MTIF2: variants seen among roughly 807,000 people sequenced by gnomAD.
The protein encoded by MTIF2 is translation initiation factor IF-2, mitochondrial.
Under a neutral mutation model 83.5 loss-of-function variants are expected in MTIF2, and 71 were observed. That is an observed-to-expected ratio of 0.85 (90% confidence interval 0.70 to 1.04). The LOEUF (loss-of-function observed/expected upper bound fraction) is 1.04. Among genes scored for constraint, MTIF2 ranks in the 50% least tolerant of loss-of-function variants. The pLI is 0.00. For synonymous variants in MTIF2, 319 were observed against 287.1 expected, an observed-to-expected ratio of 1.11 and a Z score of -1.12; for missense variants, 957 against 846.5, an observed-to-expected ratio of 1.13 and a Z score of -1.62.
chr2:55,239,142 G>GA (rs371133541), intron 14 of MTIF2, among the ~76,000 whole-genome samples: 7 of 152,126 alleles, frequency 4.6e-5, no homozygotes, highest in Admixed American at 1.3e-4. Context: ...CTGGACTGGG[G>GA]AAAAAAAGTA....
chr2:55,252,550 T>A lies in MTIF2; in HGVS notation c.768A>T (p.Val256=), dbSNP rs771982382. ...ARGAQVTDIV[V]LVVAADDGVM... ...CTCCATCATCTGCAGCTACAACCAA[T>A]ACGACAATGTCAGTGACCTGAGCAC... The change falls in exon 8 of 16, where the codon GTA becomes GTT. Residue 256 remains valine (V), a synonymous_variant. Coordinates refer to ENST00000263629, the MANE Select transcript of MTIF2 (RefSeq NM_002453.3). The A allele has an allele frequency of 3.1e-6, 5 of 1,614,152 alleles. No homozygotes were observed. In the East Asian group the frequency reaches 8.9e-5, roughly 29 times the overall value.
chr2:55,255,549 A>G (rs1189739120), intron 5 of MTIF2, among the ~76,000 whole-genome samples: 1 of 130,156 alleles, frequency 7.7e-6, no homozygotes, highest in Non-Finnish European at 1.5e-5. Flanking sequence ...CAATTGCACT[A>G]TAACTCATGC....
chr2:55,263,732 C>G lies in MTIF2; in HGVS notation c.127G>C (p.Val43Leu). 1 of 1,614,140 alleles carries G rather than the reference C, an allele frequency of 6.2e-7. No individual in the cohort carries two copies. Among genetic ancestry groups the G allele is most frequent in the East Asian group, 2.2e-5 (1 of 44,882 alleles). The stretch of plus-strand genomic sequence containing the variant: ...CAGGCACACAGTTGAGCTGTCCACA[C>G]AGGGTAAGCAGATGAAAACCCATGC... The part of the protein sequence containing the change: ...WRHGFSSAYP[V>L]WTAQLCAWPW... Residue 43 changes from valine (V) to leucine (L), a missense_variant, in exon 4 of 16, where the codon GTG (valine) becomes CTG (leucine). By Grantham distance (32) the Val-to-Leu change is conservative (BLOSUM62 1). Coordinates refer to ENST00000263629, the MANE Select transcript of MTIF2 (RefSeq NM_002453.3).
At chr2:55,266,886 T>C (rs1382539516) in intron 3 of MTIF2, among the ~76,000 whole-genome samples, 1 of 151,206 alleles carries the variant, frequency 6.6e-6, no homozygotes, top group Non-Finnish European at 1.5e-5. Flanking sequence ...TCTCCAGCCT[T>C]AGCCTCCCAA....
In MTIF2 at chr2:55,268,560, A is replaced by T. The variant is rs1028460009; in HGVS notation, c.-75+18T>A. 6 of 152,114 alleles carry T rather than the reference A, an allele frequency of 3.9e-5. No homozygotes were observed. The highest frequency in any genetic ancestry group is 1.4e-4 in the African/African-American group (6 of 41,418). 9.4% of individuals were successfully genotyped at this position (152,114 alleles called of 1,614,324 possible). On this transcript the variant is annotated intron_variant, in intron 2 of 15. Transcript: ENST00000263629. ...CAATAACCCAAATGTCAAAACTGGA[A>T]GGAAACTTGTCACTTACTCCAAGCT...
intron 7 of MTIF2, 108 bp downstream of exon 7, chr2:55,253,933 C>T: frequency 8.3e-7 from 1 of 1,204,250 alleles, no homozygotes; most frequent in South Asian, 1.6e-5. Context: ...TGACTGCAAG[C>T]TTTAGCCTTC....
chr2:55,246,200 T>C (rs1046877852), intron 10 of MTIF2, 137 bp downstream of exon 10: 1 of 1,059,544 alleles, frequency 9.4e-7, no homozygotes, highest in African/African-American at 1.6e-5. Context: ...AACAATAAAA[T>C]ACTTTTTAAA....
At chr2:55,257,611 T>G (rs1317327994) in intron 5 of MTIF2, among the ~76,000 whole-genome samples, 1 of 152,236 alleles carries the variant, frequency 6.6e-6, no homozygotes, top group Non-Finnish European at 1.5e-5. Context: ...ATTTACAGTA[T>G]TCTCCAATTT....
At chr2:55,264,360 T>C (rs1678269768) in intron 3 of MTIF2, among the ~76,000 whole-genome samples, 1 of 152,146 alleles carries the variant, frequency 6.6e-6, no homozygotes, top group Non-Finnish European at 1.5e-5. Context: ...GCCTCCCTAA[T>C]AGCTGGGACT....
chr2:55,239,988 A>G, intron 14 of MTIF2, 23 bp downstream of exon 14: 1 of 1,580,154 alleles, frequency 6.3e-7, no homozygotes, highest in Non-Finnish European at 8.6e-7. Flanking sequence ...AATTTTTAAA[A>G]GTAACATTCA....
In MTIF2 at chr2:55,243,672, T is replaced by C. The variant is rs1168790866; in HGVS notation, c.1312-4A>G. On this transcript the variant is annotated splice_polypyrimidine_tract_variant and splice_region_variant and intron_variant, in intron 11 of 15. Transcript: ENST00000263629. Reference sequence around the variant, plus strand: ...CAACAACTTCACGTGCCCTTGGCTTTATAGGGGAAAAACGTATTATTTAAT... The same window carrying C: ...CAACAACTTCACGTGCCCTTGGCTTCATAGGGGAAAAACGTATTATTTAAT... 6.2e-7 allele frequency: 1 copy of C among 1,610,604 alleles called. No individual in the cohort carries two copies.
At chr2:55,238,918 C>A (rs1272635363) in intron 14 of MTIF2, among the ~76,000 whole-genome samples, 3 of 152,144 alleles carry the variant, frequency 2.0e-5, no homozygotes, top group Non-Finnish European at 4.4e-5. Context: ...GTCAGAAAAA[C>A]CTAAAATAAT....
At chr2:55,244,324 G>A in intron 10 of MTIF2, 91 bp from the exon 11 acceptor site, 2 of 940,858 alleles carry the variant, frequency 2.1e-6, no homozygotes, top group Non-Finnish European at 3.2e-6. Flanking sequence ...ATATAAACAT[G>A]TGTATACACA....
At chr2:55,242,566 A>C (rs554737582) in intron 13 of MTIF2, among the ~76,000 whole-genome samples, 1 of 152,348 alleles carries the variant, frequency 6.6e-6, no homozygotes, top group Admixed American at 6.5e-5. Context: ...GAAAGAACTG[A>C]ATAGGGTGAT....
intron 3 of MTIF2, chr2:55,266,519 C>G (rs550020567): frequency 1.8e-5 from 2 of 111,946 alleles, no homozygotes; most frequent in East Asian, 5.0e-4. Flanking sequence ...GAGCGAGACT[C>G]TGTCTCAAAA....
rs558517390 is a variant in MTIF2 at position 55,249,689 on chromosome 2, T to C, written c.842-155A>G. On this transcript the variant is annotated intron_variant, in intron 8 of 15. Coordinates refer to ENST00000263629, the MANE Select transcript of MTIF2 (RefSeq NM_002453.3). ...CAAAATGACCCACTTTAGAGTCACATCACCCTACTCTGCGCTCTACATATA... is the reference window on the plus strand; with the variant it reads ...CAAAATGACCCACTTTAGAGTCACACCACCCTACTCTGCGCTCTACATATA... 2.6e-5 allele frequency among the ~76,000 whole-genome samples: 4 copies of C among 152,278 alleles called. No homozygotes were observed. The South Asian group carries it at 8.3e-4, about 32-fold the overall frequency.
At chr2:55,252,338 A>AAACAATTT in intron 8 of MTIF2, 139 bp downstream of exon 8, 1 of 739,454 alleles carries the variant, frequency 1.4e-6, no homozygotes, top group East Asian at 2.7e-5. Flanking sequence ...GTCTGTGGGA[A>AAACAATTT]AACAATTTAT....
At chr2:55,248,953 C>T (rs1015381863) in intron 9 of MTIF2, among the ~76,000 whole-genome samples, 7 of 152,184 alleles carry the variant, frequency 4.6e-5, no homozygotes, top group African/African-American at 1.4e-4. Context: ...CTAAGCAACA[C>T]AGTGAGACCC....
intron 12 of MTIF2, 131 bp downstream of exon 12, chr2:55,243,285 A>G (rs1393079845): frequency 9.0e-7 from 1 of 1,107,408 alleles, no homozygotes; most frequent in African/African-American, 1.6e-5. Flanking sequence ...TCAGCAAGAA[A>G]TATGTTGACT....
Sources: allele counts gnomAD v4.1 joint callset (sites outside exome capture counted in the v4.1 genomes callset), GRCh38; gene constraint gnomAD v4.1.1; transcripts MANE v1.5; gene names NCBI Gene and HGNC (gene_info 2026-07-23, HGNC 2026-07-21).